The following STPG2 variants were observed in gnomAD, a reference collection of about 807,000 sequenced individuals.
STPG2 encodes sperm-tail PG-rich repeat-containing protein 2.
STPG2 carries 56 observed loss-of-function variants against 54.2 expected under a neutral mutation model. The ratio of observed to expected loss-of-function variants is 1.03; its 90% confidence interval spans 0.83 to 1.29. The LOEUF is 1.29. Ranked by LOEUF, STPG2 falls within the 50% of genes most tolerant of loss-of-function variation. STPG2 has a pLI of 0.00. For missense variants in STPG2, 596 were observed against 544.9 expected (o/e 1.09, Z -0.93); for synonymous variants, 200 against 181.8 (o/e 1.10, Z -0.81).
At chr4:97,939,615 T>C (rs934429865) in intron 8 of STPG2, among the ~76,000 whole-genome samples, 5 of 152,222 alleles carry the variant, frequency 3.3e-5, no homozygotes, top group Admixed American at 6.5e-5. Context: ...GAAATTAAGA[T>C]TGCAACCCCT....
At chr4:97,564,662 G>T (rs1732372356) in intron 10 of STPG2, among the ~76,000 whole-genome samples, 3 of 152,144 alleles carry the variant, frequency 2.0e-5, no homozygotes, top group Admixed American at 2.0e-4. Context: ...TTGCTTGTCT[G>T]TAAAGTATTT....
chr4:97,859,902 T>TA (rs1371058971), intron 8 of STPG2, among the ~76,000 whole-genome samples: 1 of 152,238 alleles, frequency 6.6e-6, no homozygotes, highest in East Asian at 1.9e-4. Flanking sequence ...TATTTTTGTA[T>TA]AAGGTAAGAG....
chr4:97,755,030 A>T (rs143693018), intron 9 of STPG2, among the ~76,000 whole-genome samples: 39 of 152,286 alleles, frequency 2.6e-4, no homozygotes, highest in African/African-American at 8.9e-4. Flanking sequence ...AAGCAAAAAA[A>T]CAAAAACAGA....
downstream of STPG2, among the ~76,000 whole-genome samples, chr4:97,554,787 G>C (rs1172079307): frequency 6.6e-6 from 1 of 152,128 alleles, no homozygotes; most frequent in Non-Finnish European, 1.5e-5. Flanking sequence ...GCTTTGAATA[G>C]GTGTGGTTGC....
chr4:97,947,962 T>C (rs1429456031), intron 7 of STPG2, among the ~76,000 whole-genome samples: 1 of 152,108 alleles, frequency 6.6e-6, no homozygotes, highest in Non-Finnish European at 1.5e-5. Flanking sequence ...TCTTTTGTAA[T>C]AGTTTCACCA....
At chr4:97,687,065 C>G (rs953064318) in intron 10 of STPG2, among the ~76,000 whole-genome samples, 4 of 151,568 alleles carry the variant, frequency 2.6e-5, no homozygotes, top group Admixed American at 2.0e-4. Context: ...CTCAGCCTCC[C>G]GAGTAGCTGG....
chr4:97,773,061 T>C (rs968482542), intron 9 of STPG2, among the ~76,000 whole-genome samples: 1 of 152,184 alleles, frequency 6.6e-6, no homozygotes, highest in African/African-American at 2.4e-5. Flanking sequence ...TTAATGAAAT[T>C]GTATCATCAC....
At chr4:98,031,593 C>G (rs11730004) in intron 5 of STPG2, among the ~76,000 whole-genome samples, 59,650 of 151,536 alleles carry the variant, frequency 0.39, 11,911 homozygotes, top group Middle Eastern at 0.46. Context: ...GCTGAGGCAG[C>G]AGAATCGCTT....
In STPG2 at chr4:98,105,994, G is replaced by C; in HGVS notation, c.571C>G (p.Pro191Ala). The C allele has an allele frequency of 3.2e-6, 5 of 1,557,776 alleles. No homozygotes were observed. Among genetic ancestry groups the C allele is most frequent in the Non-Finnish European group, 4.4e-6 (5 of 1,137,204 alleles). ...AATACTATTATTTCATATAGTCGTG[G>C]GATAAATGAACAATAATTTTGTTGT... ...DQQQNYCSFI[P>A]RLYEIIVLQE... Residue 191 changes from proline to alanine, a missense_variant, in exon 5 of 11, where the codon CCA becomes GCA. Transcript: ENST00000295268.
At chr4:98,055,860 A>T (rs999650003) in intron 5 of STPG2, among the ~76,000 whole-genome samples, 3 of 152,292 alleles carry the variant, frequency 2.0e-5, no homozygotes, top group South Asian at 4.1e-4. Flanking sequence ...CATGCCTGTT[A>T]ACAGGGCAGT....
At chr4:97,948,090 A>G (rs552951886) in intron 7 of STPG2, among the ~76,000 whole-genome samples, 3 of 151,926 alleles carry the variant, frequency 2.0e-5, no homozygotes, top group Non-Finnish European at 2.9e-5. Flanking sequence ...GCTGCTTGTT[A>G]TTGGTCTGGT....
At chr4:98,071,179 A>G (rs1334324500) in intron 5 of STPG2, among the ~76,000 whole-genome samples, 1 of 152,196 alleles carries the variant, frequency 6.6e-6, no homozygotes, top group Non-Finnish European at 1.5e-5. Context: ...CTACAAGACT[A>G]CAATAACCAA....
At chr4:97,920,353 G>A (rs1166206095) in intron 8 of STPG2, among the ~76,000 whole-genome samples, 1 of 152,182 alleles carries the variant, frequency 6.6e-6, no homozygotes, top group Non-Finnish European at 1.5e-5. Context: ...GGTTCTCAAG[G>A]AAGGAATGTT....
Position 97,943,978 on chromosome 4 carries a change from A to C in STPG2, c.963T>G (p.Ile321Met). 1 of 1,607,430 alleles carries C rather than the reference A, an allele frequency of 6.2e-7. No homozygotes were observed. Among genetic ancestry groups the C allele is most frequent in the Non-Finnish European group, 8.5e-7 (1 of 1,177,856 alleles). ...TAGTCAAGTTAGGTAATTCATCAGAAATTCCCACACCCTGTGAATGCCAAA... is the reference window on the plus strand; with the variant it reads ...TAGTCAAGTTAGGTAATTCATCAGACATTCCCACACCCTGTGAATGCCAAA... The part of the protein sequence containing the change: ...QEFWHSQGVG[I>M]SDELPNLTNK... The change falls in exon 8 of 11, where the codon ATT (isoleucine) becomes ATG (methionine). Residue 321 changes from isoleucine (I) to methionine (M), a missense_variant. Transcript: ENST00000295268.
intron 10 of STPG2, among the ~76,000 whole-genome samples, chr4:97,680,748 AG>A (rs1226967343): frequency 6.6e-6 from 1 of 151,996 alleles, no homozygotes; most frequent in Middle Eastern, 3.2e-3. Context: ...GAAATGGAAT[AG>A]CCAGGTGGAC....
intron 9 of STPG2, among the ~76,000 whole-genome samples, chr4:97,790,332 T>C (rs984519945): frequency 6.6e-6 from 1 of 152,090 alleles, no homozygotes; most frequent in African/African-American, 2.4e-5. Context: ...CTGTAAGAAA[T>C]TACCACAAAT....
intron 10 of STPG2, among the ~76,000 whole-genome samples, chr4:97,632,411 A>T (rs974845597): frequency 6.6e-6 from 1 of 152,036 alleles, no homozygotes; most frequent in Non-Finnish European, 1.5e-5. Flanking sequence ...TGTTCATAAT[A>T]ATAAAAAATC....
chr4:97,785,274 A>G (rs1726789843), intron 9 of STPG2, among the ~76,000 whole-genome samples: 2 of 152,052 alleles, frequency 1.3e-5, no homozygotes, highest in Admixed American at 6.6e-5. Context: ...GACAGTAGGT[A>G]TTGTGAAATG....
intron 9 of STPG2, among the ~76,000 whole-genome samples, chr4:97,832,969 T>G (rs1728514366): frequency 6.6e-6 from 1 of 152,098 alleles, no homozygotes; most frequent in Non-Finnish European, 1.5e-5. Context: ...CTATCCCCAT[T>G]AAGCTACCAT....
Sources: gnomAD v4.1 joint callset for allele counts (sites outside exome capture counted in the v4.1 genomes callset) on GRCh38, gnomAD v4.1.1 for gene constraint, MANE v1.5 for transcripts, NCBI Gene and HGNC (gene_info 2026-07-23, HGNC 2026-07-21) for gene names.